The following DNAH5 variants were observed in gnomAD, a reference collection of about 807,000 sequenced individuals.
DNAH5 encodes the protein axonemal beta dynein heavy chain 5.
A neutral mutation model predicts 518.2 loss-of-function variants in DNAH5; 372 were observed. The ratio of observed to expected loss-of-function variants is 0.72; its 90% confidence interval spans 0.66 to 0.78. DNAH5 has a LOEUF of 0.78. DNAH5 is among the 30% of genes least tolerant of loss of function. The pLI is 0.00. For missense variants in DNAH5, 5,523 were observed against 5,687.0 expected (o/e 0.97, Z 0.93); for synonymous variants, 2,039 against 2,025.9 (o/e 1.01, Z -0.17).
At position 13,883,126 on chromosome 5, in the gene DNAH5, A is replaced by G. The variant is rs1482931872; in HGVS notation, c.2984-32T>C. The stretch of plus-strand genomic sequence containing the variant: ...TAACCCAAAACAAGGAAGAATTCAC[A>G]TTTTTAATACAAAATAAGATTTGCT... On this transcript the variant is annotated intron_variant, in intron 19 of 78. Transcript: ENST00000265104. 5.6e-6 allele frequency: 9 copies of G among 1,606,188 alleles called. No individual in the cohort carries two copies. The East Asian group carries it at 2.0e-4, about 36-fold the overall frequency.
At chr5:13,976,342 A>G (rs1477942487) in intron 1 of DNAH5, among the ~76,000 whole-genome samples, 1 of 152,178 alleles carries the variant, frequency 6.6e-6, no homozygotes, top group African/African-American at 2.4e-5. Context: ...TAAGTTTTAA[A>G]TTGTACACTA....
intron 60 of DNAH5, among the ~76,000 whole-genome samples, chr5:13,760,810 C>A (rs927710905): frequency 2.6e-5 from 4 of 152,104 alleles, no homozygotes; most frequent in Non-Finnish European, 4.4e-5. Flanking sequence ...TGAAGCCCCT[C>A]CAGGAAGAAG....
chr5:13,708,941 C>T (rs1260510569), intron 75 of DNAH5, among the ~76,000 whole-genome samples: 1 of 152,182 alleles, frequency 6.6e-6, no homozygotes, highest in Non-Finnish European at 1.5e-5. Flanking sequence ...CTGCTACTTA[C>T]CATGTTTATT....
chr5:13,844,859 T>A lies in DNAH5; in HGVS notation c.5249A>T (p.Lys1750Ile). 6.2e-7 allele frequency: 1 copy of A among 1,614,204 alleles called. No homozygotes were observed. Among genetic ancestry groups the A allele is most frequent in the South Asian group, 1.1e-5 (1 of 91,084 alleles). Residue 1750 changes from lysine to isoleucine, a missense_variant, in exon 32 of 79, where the codon AAA (lysine) becomes ATA (isoleucine). Lys to Ile is a moderately radical substitution (Grantham distance 102, BLOSUM62 -3). Around this residue, in one of 3 missense-constraint regions of DNAH5, gnomAD observed 5,121 missense variants for 5,223.3 expected, o/e 0.98. Coordinates refer to ENST00000265104, the MANE Select transcript of DNAH5 (RefSeq NM_001369.3). ...AACCTTTTCGTGGAACTTGACAGATTTAATGTTGTCAAACACATTCAGCAA... is the reference window on the plus strand; with the variant it reads ...AACCTTTTCGTGGAACTTGACAGATATAATGTTGTCAAACACATTCAGCAA... ...AHLLNVFDNI[K>I]SVKFHEKIYD...
At chr5:14,008,099 G>A (rs141686753) in intron 1 of DNAH5, among the ~76,000 whole-genome samples, 2,949 of 151,678 alleles carry the variant, frequency 0.019, 90 homozygotes, top group African/African-American at 0.068. Context: ...TTGAACCCAG[G>A]AGGCAGAGGT....
intron 22 of DNAH5, among the ~76,000 whole-genome samples, chr5:13,875,461 CCTT>C (rs1334124894): frequency 1.1e-5 from 1 of 94,288 alleles, no homozygotes; most frequent in African/African-American, 4.0e-5. Context: ...GAGTGAAACT[CCTT>C]CAAAAAAAAA....
At chr5:13,857,935 C>T in intron 30 of DNAH5, among the ~76,000 whole-genome samples, 1 of 152,142 alleles carries the variant, frequency 6.6e-6, no homozygotes, top group East Asian at 1.9e-4. Context: ...CAATAACATT[C>T]AGGACATAGG....
chr5:13,856,146 C>A (rs1432550033), intron 30 of DNAH5, among the ~76,000 whole-genome samples: 2 of 152,026 alleles, frequency 1.3e-5, no homozygotes, highest in African/African-American at 2.4e-5. Context: ...TAACTAAGAT[C>A]AGAGCAGAAC....
rs767925411 is a variant in DNAH5, at chr5:13,919,161, G to A, written c.975+15C>T. ...TTATTCCCATTTCACAAGGCAAAAT[G>A]AAATGGCTGACGACCTTCAGCAGTT... On this transcript the variant is annotated intron_variant, in intron 7 of 78. Coordinates refer to ENST00000265104, the MANE Select transcript of DNAH5 (RefSeq NM_001369.3). 1.9e-6 allele frequency: 3 copies of A among 1,613,850 alleles called. No individual in the cohort carries two copies. The highest frequency in any genetic ancestry group is 1.7e-4 in the Middle Eastern group (1 of 6,052).
In DNAH5 at chr5:13,769,019, C is replaced by A. The variant is rs750991542; in HGVS notation, c.9838G>T (p.Ala3280Ser). The A allele has an allele frequency of 6.2e-7, 1 of 1,614,222 alleles. No homozygotes were observed. The highest frequency in any genetic ancestry group is 8.5e-7 in the Non-Finnish European group (1 of 1,180,030). ...VDSISKDKAI[A>S]EEKLEAAKPA... Reference sequence around the variant, plus strand: ...TTTGCTGCTTCCAGTTTTTCTTCAGCAATGGCTTTGTCTTTAGAGATGCTG... The same window carrying A: ...TTTGCTGCTTCCAGTTTTTCTTCAGAAATGGCTTTGTCTTTAGAGATGCTG... The change falls in exon 58 of 79, where the codon GCT (alanine) becomes TCT (serine). Residue 3280 changes from alanine to serine, a missense_variant. Around this residue, in one of 3 missense-constraint regions of DNAH5, gnomAD observed 5,121 missense variants for 5,223.3 expected, o/e 0.98. Transcript: ENST00000265104.
rs545432191 is a variant in DNAH5, at chr5:13,957,640, T to C, written c.13-26396A>G. On this transcript the variant is annotated intron_variant, in intron 1 of 78. Transcript: ENST00000681290. ...TACATTGAAGAGGCAAAAACTTTTATCTCAATCTTTAAAGAGGAAAATATG... is the reference window on the plus strand; with the variant it reads ...TACATTGAAGAGGCAAAAACTTTTACCTCAATCTTTAAAGAGGAAAATATG... 1.8e-4 allele frequency among the ~76,000 whole-genome samples: 28 copies of C among 151,970 alleles called. No homozygotes were observed. In the South Asian group the frequency reaches 4.1e-3, roughly 22 times the overall value.
At chr5:13,841,298 TGAG>T (rs1476829443) in intron 33 of DNAH5, among the ~76,000 whole-genome samples, 168 bp from the exon 34 acceptor site, 11 of 152,250 alleles carry the variant, frequency 7.2e-5, no homozygotes, top group Non-Finnish European at 1.0e-4. Flanking sequence ...CTTATCATTT[TGAG>T]TCATTTATGT....
Position 13,882,806 on chromosome 5 carries a change from G to T in DNAH5, c.3184C>A (p.Gln1062Lys). ...TGCAAAGCAGCCATTTTTCTTTCTT[G>T]TATCTTTTTCTACAATGTAAAAGGA... ...SSELLSKKKI[Q>K]ERKMAALQSN... The change falls in exon 21 of 79, where the codon CAA (glutamine) becomes AAA (lysine). Residue 1062 changes from glutamine (Q) to lysine (K), a missense_variant. This residue lies in a region of DNAH5 where 5,121 missense variants were observed against 5,223.3 expected (regional missense o/e 0.98). Transcript: ENST00000265104. 1.9e-6 allele frequency: 3 copies of T among 1,613,850 alleles called. 1 individual carries two copies. The highest frequency in any genetic ancestry group is 2.2e-5 in the South Asian group (2 of 91,068).
chr5:13,830,849 G>A lies in DNAH5; in HGVS notation c.5883-74C>T, dbSNP rs1278314937. ...TACTTCTGAGACATCACAGTGGCAT[G>A]AAACGCACACAAGATTAAAAAACAA... On this transcript the variant is annotated intron_variant, in intron 35 of 78. Coordinates refer to ENST00000265104, the MANE Select transcript of DNAH5 (RefSeq NM_001369.3). The A allele has an allele frequency of 5.5e-6, 8 of 1,455,840 alleles. No homozygotes were observed. In the African/African-American group the frequency reaches 1.1e-4, roughly 20 times the overall value. 90.2% of individuals were successfully genotyped at this position (1,455,840 alleles called of 1,614,324 possible). A position where few individuals can be genotyped will look rare whatever the true frequency, so the allele number is the denominator to read the frequency against.
chr5:13,799,289 G>C (rs1389046321), intron 47 of DNAH5, among the ~76,000 whole-genome samples: 2 of 150,072 alleles, frequency 1.3e-5, no homozygotes, highest in Non-Finnish European at 3.0e-5. Context: ...CCTCCTTATG[G>C]CCAACTAGGA....
intron 17 of DNAH5, 24 bp downstream of exon 17, chr5:13,890,952 A>C: frequency 6.2e-7 from 1 of 1,611,198 alleles, no homozygotes; most frequent in Non-Finnish European, 8.5e-7. Flanking sequence ...AACCTTAAAC[A>C]AAAAAAATCA....
At chr5:13,975,446 T>A (rs968217051) in intron 1 of DNAH5, among the ~76,000 whole-genome samples, 1 of 152,180 alleles carries the variant, frequency 6.6e-6, no homozygotes, top group Non-Finnish European at 1.5e-5. Context: ...TGCCAGCCCA[T>A]AGCTCTGTGC....
At chr5:13,769,362 C>T (rs1752987941) in intron 57 of DNAH5, 139 bp downstream of exon 57, 4 of 900,468 alleles carry the variant, frequency 4.4e-6, no homozygotes, top group Non-Finnish European at 5.4e-6. Context: ...GTTTTTTATA[C>T]ATAAAATTAA....
intron 59 of DNAH5, among the ~76,000 whole-genome samples, chr5:13,765,713 T>C (rs1752426502): frequency 6.6e-6 from 1 of 152,194 alleles, no homozygotes; most frequent in African/African-American, 2.4e-5. Flanking sequence ...GAATATAATA[T>C]AAATACATAC....
Sources: gnomAD v4.1 joint callset for allele counts (sites outside exome capture counted in the v4.1 genomes callset) on GRCh38, gnomAD v4.1.1 for gene constraint, gnomAD v4.1.1 regional missense constraint, MANE v1.5 for transcripts, NCBI Gene and HGNC (gene_info 2026-07-23, HGNC 2026-07-21) for gene names.